Variants in PLEKHA6 observed in about 807,000 individuals in gnomAD.
The protein encoded by PLEKHA6 is pleckstrin homology domain containing A6, also known as pleckstrin homology domain-containing family A member 6.
Under a neutral mutation model 116.7 loss-of-function variants are expected in PLEKHA6, and 60 were observed. The observed-to-expected ratio is 0.51, with a 90% CI of 0.42 to 0.64. The LOEUF (loss-of-function observed/expected upper bound fraction) is 0.64. PLEKHA6 is among the 30% of genes least tolerant of loss of function. The probability of loss-of-function intolerance (pLI) is 0.00; values close to 1 mark genes in which losing one functional copy is unlikely to be tolerated. For synonymous variants in PLEKHA6, 489 were observed against 556.1 expected (o/e 0.88, Z 1.70); for missense variants, 1,338 against 1,422.7 (o/e 0.94, Z 0.96).
chr1:204,343,936 G>A (rs1672937091), intron 1 of PLEKHA6, among the ~76,000 whole-genome samples: 1 of 152,150 alleles, frequency 6.6e-6, no homozygotes, highest in African/African-American at 2.4e-5. Flanking sequence ...ATTAAGCCCA[G>A]ACTTGCCCCT....
chr1:204,245,042 G>A (rs376440636), intron 14 of PLEKHA6, 39 bp from the exon 15 acceptor site: 1 of 1,378,574 alleles, frequency 7.3e-7, no homozygotes, highest in African/African-American at 1.5e-5. Flanking sequence ...AATGGAGGAG[G>A]GGTGCGGCCT....
At chr1:204,308,632 C>G (rs1671499420) in intron 1 of PLEKHA6, among the ~76,000 whole-genome samples, 1 of 150,814 alleles carries the variant, frequency 6.6e-6, no homozygotes, top group African/African-American at 2.4e-5. Flanking sequence ...GCCCATTGCT[C>G]TTCCCACTAC....
Position 204,241,449 on chromosome 1 carries a change from T to A in PLEKHA6, c.2335A>T (p.Thr779Ser). The A allele has an allele frequency of 6.2e-7, 1 of 1,608,756 alleles. No individual in the cohort carries two copies. The highest frequency in any genetic ancestry group is 8.5e-7 in the Non-Finnish European group (1 of 1,177,696). ...GVVPPRTKSPTDDEVTPSAVV... is the reference protein window; with the variant it reads ...GVVPPRTKSPSDDEVTPSAVV... The stretch of plus-strand genomic sequence containing the variant: ...GCTGATGGGGTCACCTCATCATCAG[T>A]GGGCGATTTTGTCCGAGGGGGCACA... The change falls in exon 17 of 23, where the codon ACT becomes TCT. Residue 779 changes from threonine (T) to serine (S), a missense_variant. This residue lies in a region of PLEKHA6 where 1,136 missense variants were observed against 1,163.6 expected (regional missense o/e 0.98). Transcript: ENST00000272203.
At chr1:204,325,779 T>C (rs1672220543) in intron 1 of PLEKHA6, 1 of 353,978 alleles carries the variant, frequency 2.8e-6, no homozygotes, top group Non-Finnish European at 4.0e-6. Flanking sequence ...CCAGGAGGCC[T>C]TGGCGCAAGA....
chr1:204,348,389 G>A (rs1260085502), intron 1 of PLEKHA6, among the ~76,000 whole-genome samples: 1 of 152,072 alleles, frequency 6.6e-6, no homozygotes, highest in East Asian at 1.9e-4. Context: ...GCAAGGAAAT[G>A]TCTCCCAGCC....
chr1:204,356,930 G>A (rs1673431260), intron 1 of PLEKHA6, among the ~76,000 whole-genome samples: 1 of 152,110 alleles, frequency 6.6e-6, no homozygotes, highest in Admixed American at 6.5e-5. Context: ...AACACAGAAA[G>A]AGCCTTATGA....
chr1:204,322,233 A>G (rs1467395636), intron 1 of PLEKHA6, among the ~76,000 whole-genome samples: 1 of 152,062 alleles, frequency 6.6e-6, no homozygotes, highest in Non-Finnish European at 1.5e-5. Context: ...CCCCCTACAC[A>G]CACCCCTTTA....
intron 1 of PLEKHA6, among the ~76,000 whole-genome samples, chr1:204,276,736 C>T (rs1572027662): frequency 1.3e-5 from 2 of 151,990 alleles, no homozygotes; most frequent in African/African-American, 4.8e-5. Flanking sequence ...GGGAATGGCA[C>T]ATCTCTCCCA....
rs1558031191 is a variant in PLEKHA6, at chr1:204,234,984, AT to A, written c.2410-4399del. Among the ~76,000 whole-genome samples the A allele has an allele frequency of 7.9e-4, 15 of 18,934 alleles. 1 individual carries two copies. The highest frequency in any genetic ancestry group is 3.2e-3 in the African/African-American group (11 of 3,424). 12.4% of individuals were successfully genotyped at this position (18,934 alleles called of 152,430 possible). A position where few individuals can be genotyped will look rare whatever the true frequency, so the allele number is the denominator to read the frequency against. ...TATATATATATATATATATATATAT[AT>A]ATATATATATATATATATATATATA... On this transcript the variant is annotated intron_variant, in intron 17 of 22. Coordinates refer to ENST00000272203, the MANE Select transcript of PLEKHA6 (RefSeq NM_014935.5).
At position 204,303,608 on chromosome 1, in the gene PLEKHA6, T is replaced by C. The variant is rs75126950; in HGVS notation, c.-94-28799A>G. 4.7e-3 allele frequency among the ~76,000 whole-genome samples: 718 copies of C among 152,292 alleles called. 10 individuals are homozygous for C. In the Middle Eastern group the frequency reaches 0.058, roughly 12 times the overall value. ...GCACCTGTCTGGGGTTTCCCACATA[T>C]TTGTTGTAATTCCAGGTCTGAATCC... is the stretch of plus-strand genomic sequence containing the variant. On this transcript the variant is annotated intron_variant, in intron 1 of 22. Coordinates refer to ENST00000272203, the MANE Select transcript of PLEKHA6 (RefSeq NM_014935.5).
intron 1 of PLEKHA6, among the ~76,000 whole-genome samples, chr1:204,282,432 G>T (rs529718210): frequency 6.6e-6 from 1 of 152,040 alleles, no homozygotes; most frequent in African/African-American, 2.4e-5. Flanking sequence ...CTTCCATGTT[G>T]GTGGGTGAAA....
At chr1:204,361,479 T>C (rs1673558474), upstream of PLEKHA6, among the ~76,000 whole-genome samples, 1 of 152,216 alleles carries the variant, frequency 6.6e-6, no homozygotes, top group Non-Finnish European at 1.5e-5. Flanking sequence ...CTGAAGGGAC[T>C]GTCTTTCCCA....
intron 1 of PLEKHA6, among the ~76,000 whole-genome samples, chr1:204,316,409 T>G (rs919670464): frequency 6.6e-6 from 1 of 152,078 alleles, no homozygotes; most frequent in Admixed American, 6.6e-5. Context: ...TGCAGGCCGC[T>G]CAGAATAGGG....
intron 9 of PLEKHA6, chr1:204,251,533 G>A (rs1335561603): frequency 1.4e-6 from 1 of 702,908 alleles, no homozygotes; most frequent in Admixed American, 2.0e-5. Flanking sequence ...GGTCTTACTT[G>A]CATGAAGAGT....
intron 1 of PLEKHA6, among the ~76,000 whole-genome samples, chr1:204,290,066 T>G (rs1393802197): frequency 6.6e-6 from 1 of 152,240 alleles, no homozygotes; most frequent in African/African-American, 2.4e-5. Flanking sequence ...AGAAAAATAC[T>G]GTTTTCATGG....
At chr1:204,302,246 A>T (rs745599628) in intron 1 of PLEKHA6, among the ~76,000 whole-genome samples, 5 of 152,210 alleles carry the variant, frequency 3.3e-5, no homozygotes, top group African/African-American at 4.8e-5. Context: ...CCATGAAGCA[A>T]GTTAGAGACA....
At chr1:204,250,677 G>T in intron 9 of PLEKHA6, 63 bp from the exon 10 acceptor site, 1 of 1,107,524 alleles carries the variant, frequency 9.0e-7, no homozygotes, top group Non-Finnish European at 1.4e-6. Context: ...GGGATAGGAA[G>T]CTAACATCAC....
chr1:204,226,858 A>G (rs565894646), intron 21 of PLEKHA6, among the ~76,000 whole-genome samples: 20 of 152,280 alleles, frequency 1.3e-4, no homozygotes, highest in Non-Finnish European at 2.2e-4. Context: ...TACTTCATCT[A>G]TTGCTATTTC....
upstream of PLEKHA6, among the ~76,000 whole-genome samples, chr1:204,362,572 T>C (rs2103396168): frequency 6.6e-6 from 1 of 152,276 alleles, no homozygotes; most frequent in African/African-American, 2.4e-5. Flanking sequence ...TCGCAGAACA[T>C]GCCAACTAGG....
Sources: gnomAD v4.1 joint callset for allele counts (sites outside exome capture counted in the v4.1 genomes callset) on GRCh38, gnomAD v4.1.1 for gene constraint, gnomAD v4.1.1 regional missense constraint, MANE v1.5 for transcripts, NCBI Gene and HGNC (gene_info 2026-07-23, HGNC 2026-07-21) for gene names.